The following MACROD2 variants were observed in gnomAD, a reference collection of about 807,000 sequenced individuals.
MACROD2 encodes the protein mono-ADP ribosylhydrolase 2.
A neutral mutation model predicts 70.4 loss-of-function variants in MACROD2; 36 were observed. The observed-to-expected ratio is 0.51, with a 90% CI of 0.39 to 0.68. The LOEUF (loss-of-function observed/expected upper bound fraction) is 0.68, where lower values mean the gene tolerates loss of function less well. Ranked by LOEUF, MACROD2 falls within the 30% of genes least tolerant of loss-of-function variation. The pLI, the probability that MACROD2 is intolerant of heterozygous loss-of-function variation, is 0.00. For synonymous variants in MACROD2, 172 were observed against 178.8 expected (o/e 0.96, Z 0.30); for missense variants, 496 against 538.4 (o/e 0.92, Z 0.78).
intron 5 of MACROD2, among the ~76,000 whole-genome samples, chr20:14,845,523 A>G (rs1054868444): frequency 2.6e-5 from 4 of 152,084 alleles, no homozygotes; most frequent in African/African-American, 7.2e-5. Context: ...CAGCTTGATT[A>G]TATGCTTAGC....
intron 5 of MACROD2, among the ~76,000 whole-genome samples, chr20:15,154,041 C>T (rs2076289965): frequency 6.6e-6 from 1 of 152,168 alleles, no homozygotes; most frequent in East Asian, 1.9e-4. Context: ...CACTGAAGCT[C>T]AATAGACTAT....
intron 8 of MACROD2, among the ~76,000 whole-genome samples, chr20:15,509,256 A>G (rs2047468121): frequency 6.6e-6 from 1 of 152,220 alleles, no homozygotes; most frequent in Non-Finnish European, 1.5e-5. Flanking sequence ...AAAAGATAGT[A>G]ATTAACTAAT....
intron 5 of MACROD2, among the ~76,000 whole-genome samples, chr20:15,144,303 A>G (rs1241948826): frequency 1.3e-5 from 2 of 152,142 alleles, no homozygotes; most frequent in African/African-American, 4.8e-5. Flanking sequence ...CAAAACTCCA[A>G]TGCACATGTA....
chr20:14,992,922 T>G (rs1305001711), intron 5 of MACROD2, among the ~76,000 whole-genome samples: 1 of 152,168 alleles, frequency 6.6e-6, no homozygotes, highest in Admixed American at 6.5e-5. Flanking sequence ...ATCCTGTGAT[T>G]CCACTAGAAA....
At chr20:14,733,017 T>C (rs1232069784) in intron 5 of MACROD2, among the ~76,000 whole-genome samples, 1 of 152,180 alleles carries the variant, frequency 6.6e-6, no homozygotes, top group Non-Finnish European at 1.5e-5. Context: ...AAATCGAATT[T>C]CAGTTTGTAT....
chr20:16,035,184 T>C (rs75259922), intron 15 of MACROD2, among the ~76,000 whole-genome samples: 1,640 of 121,652 alleles, frequency 0.013, 82 homozygotes, highest in Non-Finnish European at 0.019. Context: ...TATTATATAT[T>C]ATATATAAAA....
At chr20:15,018,960 G>A (rs2075142907) in intron 5 of MACROD2, among the ~76,000 whole-genome samples, 1 of 152,202 alleles carries the variant, frequency 6.6e-6, no homozygotes, top group Admixed American at 6.5e-5. Flanking sequence ...CTGAGCAGAT[G>A]CTGGTGTCAT....
intron 3 of MACROD2, among the ~76,000 whole-genome samples, chr20:14,334,131 A>G (rs541726051): frequency 6.6e-6 from 1 of 152,326 alleles, no homozygotes; most frequent in Non-Finnish European, 1.5e-5. Flanking sequence ...TTTTGCTTAA[A>G]TTATATTCTA....
intron 5 of MACROD2, among the ~76,000 whole-genome samples, chr20:15,115,463 A>T (rs866746432): frequency 6.6e-6 from 1 of 152,124 alleles, no homozygotes; most frequent in South Asian, 2.1e-4. Flanking sequence ...GCCTCAAGTG[A>T]TCCTCCCAAC....
intron 8 of MACROD2, among the ~76,000 whole-genome samples, chr20:15,784,440 G>A (rs916820286): frequency 1.3e-5 from 2 of 152,014 alleles, no homozygotes; most frequent in African/African-American, 4.8e-5. Context: ...TTATGCATCT[G>A]GTCATTAATG....
intron 5 of MACROD2, among the ~76,000 whole-genome samples, chr20:14,966,159 C>G (rs560984174): frequency 5.9e-5 from 9 of 152,218 alleles, no homozygotes; most frequent in African/African-American, 2.2e-4. Flanking sequence ...AAGCCACTGT[C>G]AATGGAATTA....
chr20:15,768,873 G>A (rs914164245), intron 8 of MACROD2, among the ~76,000 whole-genome samples: 6 of 151,660 alleles, frequency 4.0e-5, no homozygotes, highest in Non-Finnish European at 5.9e-5. Flanking sequence ...AAATACACAC[G>A]TTACCCTGGG....
chr20:14,055,399 A>G (rs965581883), intron 2 of MACROD2, among the ~76,000 whole-genome samples: 8 of 150,646 alleles, frequency 5.3e-5, no homozygotes, highest in African/African-American at 1.7e-4. Flanking sequence ...TTTTGACTCT[A>G]CTGATCCTTT....
intron 8 of MACROD2, among the ~76,000 whole-genome samples, chr20:15,648,291 T>C (rs1387514828): frequency 2.6e-5 from 4 of 152,204 alleles, no homozygotes; most frequent in African/African-American, 9.6e-5. Context: ...AGAAGCATCA[T>C]CTCACTCTAC....
chr20:14,193,167 C>G (rs1001737831), intron 3 of MACROD2, among the ~76,000 whole-genome samples: 6 of 152,298 alleles, frequency 3.9e-5, no homozygotes, highest in Admixed American at 3.9e-4. Context: ...ATTGAACCAT[C>G]TTAAAGTGTG....
At chr20:14,393,783 C>A (rs1385579850) in intron 3 of MACROD2, among the ~76,000 whole-genome samples, 4 of 152,120 alleles carry the variant, frequency 2.6e-5, no homozygotes, top group Non-Finnish European at 4.4e-5. Flanking sequence ...GTGTTGAAGC[C>A]CTAATCCCAA....
At chr20:14,567,168 A>G (rs1488201273) in intron 4 of MACROD2, among the ~76,000 whole-genome samples, 1 of 152,022 alleles carries the variant, frequency 6.6e-6, no homozygotes, top group African/African-American at 2.4e-5. Context: ...AAAATTAGAA[A>G]GCATTAGTAC....
intron 3 of MACROD2, among the ~76,000 whole-genome samples, chr20:14,258,069 TC>T (rs1235973733): frequency 6.6e-6 from 1 of 152,192 alleles, no homozygotes; most frequent in Non-Finnish European, 1.5e-5. Flanking sequence ...ATTATTTTGT[TC>T]CTTTTTATGG....
intron 3 of MACROD2, among the ~76,000 whole-genome samples, chr20:14,413,214 TAA>T (rs2122871159): frequency 1.3e-5 from 2 of 150,708 alleles, no homozygotes; most frequent in South Asian, 4.2e-4. Flanking sequence ...TTTGTCTCCT[TAA>T]ATATGTACGT....
Sources: allele counts gnomAD v4.1 joint callset (sites outside exome capture counted in the v4.1 genomes callset), GRCh38; gene constraint gnomAD v4.1.1; transcripts MANE v1.5; gene names NCBI Gene and HGNC (gene_info 2026-07-23, HGNC 2026-07-21).